TARBP1: variants seen among roughly 807,000 people sequenced by gnomAD.
TARBP1 encodes the protein tRNA (guanosine(18)-2'-O)-methyltransferase TARBP1.
TARBP1 carries 144 observed loss-of-function variants against 178.6 expected under a neutral mutation model. The ratio of observed to expected loss-of-function variants is 0.81; its 90% CI spans 0.70 to 0.93. The LOEUF (loss-of-function observed/expected upper bound fraction) is 0.93. Among genes scored for constraint, TARBP1 ranks in the 40% least tolerant of loss-of-function variants. The pLI is 0.00. For synonymous variants in TARBP1, 787 were observed against 781.0 expected (o/e 1.01, Z -0.13); for missense variants, 2,067 against 2,011.7 (o/e 1.03, Z -0.53).
At chr1:234,472,982 T>TC (rs1363538554) in intron 1 of TARBP1, among the ~76,000 whole-genome samples, 171 bp from the exon 2 acceptor site, 2 of 151,560 alleles carry the variant, frequency 1.3e-5, no homozygotes, top group Non-Finnish European at 2.9e-5. Flanking sequence ...GAGGGAGATT[T>TC]TTTTTTGCAC....
In TARBP1 at chr1:234,391,446, C is replaced by T; in HGVS notation, c.*131G>A. On this transcript the variant is annotated 3_prime_UTR_variant, in exon 30 of 30. Transcript: ENST00000040877. Reference sequence around the variant, plus strand: ...TAATATGTTTAAGGCACATGGCAAACTTTTGGCATTAAATTGCAAGAAAAA... The same window carrying T: ...TAATATGTTTAAGGCACATGGCAAATTTTTGGCATTAAATTGCAAGAAAAA... The T allele has an allele frequency of 9.7e-7, 1 of 1,027,680 alleles. No homozygotes were observed. Among genetic ancestry groups the T allele is most frequent in the East Asian group, 2.7e-5 (1 of 37,086 alleles). The allele number at this position is 1,027,680 out of a possible 1,614,324, so 63.7% of individuals were successfully genotyped here.
Position 234,391,525 on chromosome 1 carries a change from GT to G in TARBP1, c.*51del. On this transcript the variant is annotated 3_prime_UTR_variant, in exon 30 of 30. Transcript: ENST00000040877. ...AGAATCTGTTTCTTTAGTCCAAATA[GT>G]TTTTTTTAAAAAAGTCTGAACAGCA... The G allele has an allele frequency of 2.7e-6, 4 of 1,508,998 alleles. No individual in the cohort carries two copies. The highest frequency in any genetic ancestry group is 3.6e-6 in the Non-Finnish European group (4 of 1,123,682). The allele number at this position is 1,508,998 out of a possible 1,614,324, so 93.5% of individuals were successfully genotyped here.
intron 11 of TARBP1, among the ~76,000 whole-genome samples, chr1:234,448,089 C>T (rs923208808): frequency 6.6e-6 from 1 of 152,132 alleles, no homozygotes; most frequent in Admixed American, 6.6e-5. Flanking sequence ...CAGACGTGCA[C>T]CACCACGCCC....
chr1:234,400,336 G>C (rs1182312906), intron 25 of TARBP1: 2 of 152,204 alleles, frequency 1.3e-5, no homozygotes, highest in African/African-American at 4.8e-5. Context: ...AAAGAACACA[G>C]AGCAGAGCAT....
chr1:234,430,080 C>T lies in TARBP1; in HGVS notation c.2609+7G>A. 6.2e-7 allele frequency: 1 copy of T among 1,607,868 alleles called. No individual in the cohort carries two copies. Among genetic ancestry groups the T allele is most frequent in the Non-Finnish European group, 8.5e-7 (1 of 1,175,030 alleles). ...AATGGATTTTTAAGCCTTAACCTTC[C>T]CTGTACCTGCTGCACTCCAAGGGGT... On this transcript the variant is annotated splice_region_variant and intron_variant, in intron 15 of 29. Transcript: ENST00000040877.
chr1:234,435,753 T>G (rs762606319), intron 13 of TARBP1, among the ~76,000 whole-genome samples: 3 of 152,192 alleles, frequency 2.0e-5, no homozygotes, highest in Non-Finnish European at 4.4e-5. Flanking sequence ...TGACAGCCAC[T>G]ATTTCCTCTG....
At chr1:234,436,763 T>C (rs2103159295) in intron 13 of TARBP1, among the ~76,000 whole-genome samples, 1 of 152,330 alleles carries the variant, frequency 6.6e-6, no homozygotes, top group Admixed American at 6.5e-5. Flanking sequence ...TTCAAGGTAT[T>C]CTTTAAGGGG....
intron 8 of TARBP1, 71 bp downstream of exon 8, chr1:234,459,159 T>C (rs1667586279): frequency 1.7e-6 from 2 of 1,143,652 alleles, no homozygotes; most frequent in Non-Finnish European, 2.5e-6. Flanking sequence ...AGGTCTGCTA[T>C]GTTAACTCAT....
At chr1:234,469,593 A>C (rs1668841688) in intron 3 of TARBP1, among the ~76,000 whole-genome samples, 1 of 152,254 alleles carries the variant, frequency 6.6e-6, no homozygotes, top group Non-Finnish European at 1.5e-5. Context: ...TAAGGGGTCA[A>C]ACTATTAAAC....
intron 25 of TARBP1, among the ~76,000 whole-genome samples, chr1:234,399,848 A>T (rs1320386054): frequency 7.7e-6 from 1 of 130,106 alleles, no homozygotes; most frequent in Non-Finnish European, 1.6e-5. Flanking sequence ...GAACACACGG[A>T]CACAGGAAGG....
In TARBP1 at chr1:234,476,365, A is replaced by C. The variant is rs78818981; in HGVS notation, c.931+1808T>G. 1.8e-3 allele frequency among the ~76,000 whole-genome samples: 279 copies of C among 152,326 alleles called. 3 individuals are homozygous for C. Among genetic ancestry groups the C allele is most frequent in the African/African-American group, 6.6e-3 (274 of 41,578 alleles). On this transcript the variant is annotated intron_variant, in intron 1 of 29. Coordinates refer to ENST00000040877, the MANE Select transcript of TARBP1 (RefSeq NM_005646.4). ...TAAAGCAAAAAAGAGGAAGATATGA[A>C]CTACAGGAAATGAGACTCAACAGAA...
intron 17 of TARBP1, 87 bp downstream of exon 17, chr1:234,429,049 C>G: frequency 8.0e-7 from 1 of 1,243,166 alleles, no homozygotes; most frequent in Non-Finnish European, 1.1e-6. Flanking sequence ...AGCCAAAAAT[C>G]TAATTGTGAA....
chr1:234,450,393 G>T (rs750827771), intron 10 of TARBP1, 35 bp downstream of exon 10: 1 of 1,525,160 alleles, frequency 6.6e-7, no homozygotes, highest in Non-Finnish European at 8.8e-7. Context: ...AAATATTTTG[G>T]TTATATCAAT....
intron 24 of TARBP1, among the ~76,000 whole-genome samples, chr1:234,402,345 G>C (rs1426035660): frequency 6.6e-6 from 1 of 152,146 alleles, no homozygotes; most frequent in African/African-American, 2.4e-5. Flanking sequence ...GCCCTCTTTT[G>C]ACAGCACCCC....
intron 24 of TARBP1, among the ~76,000 whole-genome samples, chr1:234,404,180 A>G (rs1159753603): frequency 6.6e-6 from 1 of 152,212 alleles, no homozygotes; most frequent in Non-Finnish European, 1.5e-5. Context: ...ATACCAAATA[A>G]TCACTCACCA....
rs762104201 is a variant in TARBP1 at position 234,427,634 on chromosome 1, A to G, written c.3193T>C (p.Tyr1065His). The stretch of plus-strand genomic sequence containing the variant: ...CAAGCCTCAAGGATAAGTTCGCTAT[A>G]ATTTTTAGCACTTGATAAAGATCCT... ...SQGSLSSAKN[Y>H]SELILEACIF... Residue 1065 changes from tyrosine to histidine, a missense_variant, in exon 18 of 30, where the codon TAT becomes CAT. Tyr to His is a moderately conservative substitution (Grantham distance 83). Transcript: ENST00000040877. 1.3e-6 allele frequency: 2 copies of G among 1,598,922 alleles called. No individual in the cohort carries two copies. Among genetic ancestry groups the G allele is most frequent in the African/African-American group, 2.7e-5 (2 of 73,900 alleles).
In TARBP1 at chr1:234,446,973, C is replaced by T; in HGVS notation, c.1964G>A (p.Gly655Glu). ...DVEGMKTQYS[G>E]KQRTENVLRI... ...CAATACATTCTCTGTTCTCTGCTTT[C>T]CGCTAGACATTAAAAGACATGCCAA... is the stretch of plus-strand genomic sequence containing the variant. The change falls in exon 12 of 30, where the codon GGA (glycine) becomes GAA (glutamate). Residue 655 changes from glycine to glutamate, a missense_variant and splice_region_variant. Transcript: ENST00000040877. The T allele has an allele frequency of 1.2e-6, 2 of 1,612,194 alleles. No homozygotes were observed. Among genetic ancestry groups the T allele is most frequent in the East Asian group, 4.5e-5 (2 of 44,748 alleles).
rs1659354452 is a variant in TARBP1 at position 234,391,449 on chromosome 1, T to C, written c.*128A>G. 1 of 1,048,790 alleles carries C rather than the reference T, an allele frequency of 9.5e-7. No individual in the cohort carries two copies. Among genetic ancestry groups the C allele is most frequent in the East Asian group, 2.7e-5 (1 of 37,260 alleles). 65.0% of individuals were successfully genotyped at this position (1,048,790 alleles called of 1,614,324 possible). ...TATGTTTAAGGCACATGGCAAACTTTTGGCATTAAATTGCAAGAAAAAAGA... is the reference window on the plus strand; with the variant it reads ...TATGTTTAAGGCACATGGCAAACTTCTGGCATTAAATTGCAAGAAAAAAGA... On this transcript the variant is annotated 3_prime_UTR_variant, in exon 30 of 30. Transcript: ENST00000040877.
At chr1:234,417,661 A>G (rs72763881) in intron 22 of TARBP1, among the ~76,000 whole-genome samples, 4,282 of 152,324 alleles carry the variant, frequency 0.028, 82 homozygotes, top group Non-Finnish European at 0.036. Flanking sequence ...GAAACAAGAA[A>G]GGAAATGAAC....
Sources: gnomAD v4.1 joint callset for allele counts (sites outside exome capture counted in the v4.1 genomes callset) on GRCh38, gnomAD v4.1.1 for gene constraint, MANE v1.5 for transcripts, NCBI Gene and HGNC (gene_info 2026-07-23, HGNC 2026-07-21) for gene names.